The following ALG11 variants were observed in gnomAD, a reference collection of about 807,000 sequenced individuals.
The protein encoded by ALG11 is ALG11 alpha-1,2-mannosyltransferase.
In ALG11, 26 loss-of-function variants were observed where a neutral mutation model predicts 38.8. The ratio of observed to expected loss-of-function variants is 0.67; its 90% CI spans 0.49 to 0.93. ALG11 has a LOEUF of 0.93. Among genes scored for constraint, ALG11 ranks in the 40% least tolerant of loss-of-function variants. The pLI, the probability that ALG11 is intolerant of heterozygous loss-of-function variation, is 0.00. For synonymous variants in ALG11, 199 were observed against 211.6 expected (o/e 0.94, Z 0.52); for missense variants, 535 against 578.8 (o/e 0.92, Z 0.78).
rs746377054 is a variant in ALG11 at position 52,031,106 on chromosome 13, G to C, written c.*2516G>C. The C allele has an allele frequency of 3.1e-6, 5 of 1,603,458 alleles. No individual in the cohort carries two copies. The South Asian group carries it at 5.6e-5, about 18-fold the overall frequency. ...TCACAATAAAGAAGAAAAACTGTAG[G>C]TTGTGTAGCTGGAGAAGTGACAGTC... On this transcript the variant is annotated 3_prime_UTR_variant, in exon 4 of 4. Coordinates refer to ENST00000521508, the MANE Select transcript of ALG11 (RefSeq NM_001004127.3).
In ALG11 at chr13:52,024,141, T is replaced by C. The variant is rs768636703; in HGVS notation, c.411T>C (p.Tyr137=). The part of the protein sequence containing the change: ...PVQFVFLRKR[Y]LVEDSLYPHF... ...AGTTTGTTTTTTTAAGGAAACGCTA[T>C]CTTGTGGAAGATTCACTGTATCCTC... Residue 137 remains tyrosine (Y), a synonymous_variant, in exon 3 of 4, where the codon TAT becomes TAC. Coordinates refer to ENST00000521508, the MANE Select transcript of ALG11 (RefSeq NM_001004127.3). 2 of 1,614,016 alleles carry C rather than the reference T, an allele frequency of 1.2e-6. No individual in the cohort carries two copies. The highest frequency in any genetic ancestry group is 8.5e-7 in the Non-Finnish European group (1 of 1,180,018).
Position 52,029,533 on chromosome 13 carries a change from G to T in ALG11, c.*943G>T. On this transcript the variant is annotated 3_prime_UTR_variant, in exon 4 of 4. Coordinates refer to ENST00000521508, the MANE Select transcript of ALG11 (RefSeq NM_001004127.3). ...ACTATGAGGCCAAGGCTCGAAAAGA[G>T]AAGAAAATCAAAAGTAAAAAGTATC... 1 of 1,614,110 alleles carries T rather than the reference G, an allele frequency of 6.2e-7. No homozygotes were observed. The highest frequency in any genetic ancestry group is 8.5e-7 in the Non-Finnish European group (1 of 1,180,038).
rs147037645 is a variant in ALG11, at chr13:52,030,205, A to C, written c.*1615A>C. The C allele has an allele frequency of 2.5e-6, 4 of 1,614,228 alleles. No homozygotes were observed. Among genetic ancestry groups the C allele is most frequent in the Non-Finnish European group, 3.4e-6 (4 of 1,180,030 alleles). On this transcript the variant is annotated 3_prime_UTR_variant, in exon 4 of 4. Coordinates refer to ENST00000521508, the MANE Select transcript of ALG11 (RefSeq NM_001004127.3). The stretch of plus-strand genomic sequence containing the variant: ...GGGCACTATCTCAGAAATTGAAGGA[A>C]AAACATCAGTCCAGGAAGCAAAAAG...
chr13:52,024,587 C>T lies in ALG11; in HGVS notation c.857C>T (p.Thr286Ile), dbSNP rs1308204685. Residue 286 changes from threonine (T) to isoleucine (I), a missense_variant, in exon 3 of 4, where the codon ACA becomes ATA. By Grantham distance (89) the Thr-to-Ile change is moderately conservative. Coordinates refer to ENST00000521508, the MANE Select transcript of ALG11 (RefSeq NM_001004127.3). ...NIVYPPCDVQTFLDIPLHEKK... is the reference protein window; with the variant it reads ...NIVYPPCDVQIFLDIPLHEKK... ...GTTTATCCACCTTGTGATGTGCAGA[C>T]ATTTCTGGACATTCCCTTACATGAG... is the stretch of plus-strand genomic sequence containing the variant. 1 of 1,614,046 alleles carries T rather than the reference C, an allele frequency of 6.2e-7. No homozygotes were observed. The highest frequency in any genetic ancestry group is 2.2e-5 in the East Asian group (1 of 44,884).
At chr13:52,023,715 G>A (rs557330881) in intron 2 of ALG11, 16 of 168,856 alleles carry the variant, frequency 9.5e-5, no homozygotes, top group African/African-American at 2.1e-4. Context: ...TTTTTGAGAC[G>A]GAGTTTCACA....
intron 1 of ALG11, among the ~76,000 whole-genome samples, chr13:52,014,973 A>G (rs1954122998): frequency 6.6e-6 from 1 of 152,228 alleles, no homozygotes; most frequent in African/African-American, 2.4e-5. Context: ...TGGGATTTCA[A>G]ATAGAGTCAA....
At chr13:52,023,261 T>G (rs1005196076) in intron 2 of ALG11, 1 of 152,204 alleles carries the variant, frequency 6.6e-6, no homozygotes, top group Non-Finnish European at 1.5e-5. Context: ...TTAGACCATC[T>G]CATTCATAAA....
At chr13:52,016,392 C>T (rs1458078091) in intron 1 of ALG11, 1 of 152,220 alleles carries the variant, frequency 6.6e-6, no homozygotes, top group East Asian at 1.9e-4. Flanking sequence ...AATGTTAATC[C>T]TGAAGACCAT....
rs1954288103 is a variant in ALG11, at chr13:52,030,296, C to CTTCTG, written c.*1707_*1708insTCTGT. The CTTCTG allele has an allele frequency of 6.2e-7, 1 of 1,614,198 alleles. No individual in the cohort carries two copies. Among genetic ancestry groups the CTTCTG allele is most frequent in the Non-Finnish European group, 8.5e-7 (1 of 1,180,038 alleles). The stretch of plus-strand genomic sequence containing the variant: ...ACCTGCCCCAGAAGAAGCGGAACCC[C>CTTCTG]TATTGCTACAGAGGTCAGAGAGAGT... On this transcript the variant is annotated 3_prime_UTR_variant, in exon 4 of 4. Coordinates refer to ENST00000521508, the MANE Select transcript of ALG11 (RefSeq NM_001004127.3).
In ALG11 at chr13:52,017,717, G is replaced by A. The variant is rs186053850; in HGVS notation, c.45-1196G>A. 2.1e-3 allele frequency: 330 copies of A among 153,954 alleles called. 1 individual carries two copies. Among genetic ancestry groups the A allele is most frequent in the Middle Eastern group, 3.3e-3 (1 of 304 alleles). The allele number at this position is 153,954 out of a possible 1,614,324, so 9.5% of individuals were successfully genotyped here. A position where few individuals can be genotyped will look rare whatever the true frequency, so the allele number is the denominator to read the frequency against. On this transcript the variant is annotated intron_variant, in intron 1 of 3. Coordinates refer to ENST00000521508, the MANE Select transcript of ALG11 (RefSeq NM_001004127.3). ...CCAATTAAATCTCTTTTTGTTCCCC[G>A]TTTTGGGTACGTCTTTATCAGCAGT...
At chr13:52,015,344 T>G (rs1014363902) in intron 1 of ALG11, among the ~76,000 whole-genome samples, 1 of 152,216 alleles carries the variant, frequency 6.6e-6, no homozygotes, top group Non-Finnish European at 1.5e-5. Flanking sequence ...AGTTTGGGGC[T>G]GCAGTGATTG....
chr13:52,029,651 G>A lies in ALG11; in HGVS notation c.*1061G>A. On this transcript the variant is annotated 3_prime_UTR_variant, in exon 4 of 4. Coordinates refer to ENST00000521508, the MANE Select transcript of ALG11 (RefSeq NM_001004127.3). ...TCCAACTGTGGCACTGGAAGAAATGGAAAAAATTGAAAATGCCAGAATGAT... is the reference window on the plus strand; with the variant it reads ...TCCAACTGTGGCACTGGAAGAAATGAAAAAAATTGAAAATGCCAGAATGAT... 1 of 1,614,156 alleles carries A rather than the reference G, an allele frequency of 6.2e-7. No individual in the cohort carries two copies. The highest frequency in any genetic ancestry group is 2.2e-5 in the East Asian group (1 of 44,886).
rs1454573293 is a variant in ALG11, at chr13:52,033,241, T to C, written c.*4651T>C. ...AACTTTCAGGATGACTATTAATTCC[T>C]CTCAGATGTCATTTTTGAGTGGTCC... On this transcript the variant is annotated 3_prime_UTR_variant, in exon 4 of 4. Transcript: ENST00000521508. The C allele has an allele frequency of 1.2e-5, 2 of 167,076 alleles. No individual in the cohort carries two copies. Among genetic ancestry groups the C allele is most frequent in the Admixed American group, 1.3e-4 (2 of 15,270 alleles). The allele number at this position is 167,076 out of a possible 1,614,324, so 10.3% of individuals were successfully genotyped here. A position where few individuals can be genotyped will look rare whatever the true frequency, so the allele number is the denominator to read the frequency against.
chr13:52,017,943 A>C (rs1947718332), intron 1 of ALG11, among the ~76,000 whole-genome samples: 1 of 152,252 alleles, frequency 6.6e-6, no homozygotes, highest in Non-Finnish European at 1.5e-5. Flanking sequence ...TTATTATTTA[A>C]CTTTTGGCAT....
In ALG11 at chr13:52,024,954, A is replaced by G. The variant is rs1954226218; in HGVS notation, c.1207+17A>G. 1 of 1,601,640 alleles carries G rather than the reference A, an allele frequency of 6.2e-7. No individual in the cohort carries two copies. Among genetic ancestry groups the G allele is most frequent in the African/African-American group, 1.3e-5 (1 of 74,840 alleles). The stretch of plus-strand genomic sequence containing the variant: ...TTGGGATTGGTGAGTTTGGCCTTTA[A>G]ACAACTTGTTTGGTGCCATGAGATA... On this transcript the variant is annotated intron_variant, in intron 3 of 3. Transcript: ENST00000521508.
At position 52,012,408 on chromosome 13, in the gene ALG11, G is replaced by A. The variant is rs766313148; in HGVS notation, c.-11G>A. Reference sequence around the variant, plus strand: ...AGTGAAGCGTTTCCTGAGTTCGGGGGTCGGCGGAAGATGGCGGCCGGCGAA... The same window carrying A: ...AGTGAAGCGTTTCCTGAGTTCGGGGATCGGCGGAAGATGGCGGCCGGCGAA... On this transcript the variant is annotated 5_prime_UTR_variant, in exon 1 of 4. Coordinates refer to ENST00000521508, the MANE Select transcript of ALG11 (RefSeq NM_001004127.3). 1 of 1,614,068 alleles carries A rather than the reference G, an allele frequency of 6.2e-7. No homozygotes were observed. The highest frequency in any genetic ancestry group is 8.5e-7 in the Non-Finnish European group (1 of 1,180,048).
At position 52,033,402 on chromosome 13, in the gene ALG11, T is replaced by A. The variant is rs1488424223; in HGVS notation, c.*4812T>A. 1 of 167,090 alleles carries A rather than the reference T, an allele frequency of 6.0e-6. No individual in the cohort carries two copies. Among genetic ancestry groups the A allele is most frequent in the East Asian group, 1.9e-4 (1 of 5,204 alleles). The allele number at this position is 167,090 out of a possible 1,614,324, so 10.4% of individuals were successfully genotyped here. A position where few individuals can be genotyped will look rare whatever the true frequency, so the allele number is the denominator to read the frequency against. ...ATTTAGATTTGTATTTAGACATGAT[T>A]TATATCTAATATAGATACAAAGTCT... is the stretch of plus-strand genomic sequence containing the variant. On this transcript the variant is annotated 3_prime_UTR_variant, in exon 4 of 4. Transcript: ENST00000521508.
rs1366423199 is a variant in ALG11 at position 52,030,441 on chromosome 13, C to A, written c.*1851C>A. On this transcript the variant is annotated 3_prime_UTR_variant, in exon 4 of 4. Transcript: ENST00000521508. Reference sequence around the variant, plus strand: ...AGGACCCCAAATAATCGGCCTGATGCCCCTAAGGAGAAGAAAGAGAAGGAG... The same window carrying A: ...AGGACCCCAAATAATCGGCCTGATGACCCTAAGGAGAAGAAAGAGAAGGAG... 6.2e-7 allele frequency: 1 copy of A among 1,614,158 alleles called. No homozygotes were observed. Among genetic ancestry groups the A allele is most frequent in the Non-Finnish European group, 8.5e-7 (1 of 1,180,036 alleles).
chr13:52,028,459 G>A lies in ALG11; in HGVS notation c.1348G>A (p.Ala450Thr), dbSNP rs199641594. Reference protein sequence around the residue: ...ESEEDYAETIAHILSMSAEKR... With the variant: ...ESEEDYAETITHILSMSAEKR... ...TGAAGAAGACTATGCTGAAACTATC[G>A]CTCACATTCTTTCCATGTCTGCAGA... is the stretch of plus-strand genomic sequence containing the variant. The change falls in exon 4 of 4, where the codon GCT (alanine) becomes ACT (threonine). Residue 450 changes from alanine to threonine, a missense_variant. Transcript: ENST00000521508. 39 of 1,614,110 alleles carry A rather than the reference G, an allele frequency of 2.4e-5. No homozygotes were observed. The highest frequency in any genetic ancestry group is 1.6e-4 in the Middle Eastern group (1 of 6,062).
Sources: gnomAD v4.1 joint callset for allele counts (sites outside exome capture counted in the v4.1 genomes callset) on GRCh38, gnomAD v4.1.1 for gene constraint, MANE v1.5 for transcripts, NCBI Gene and HGNC (gene_info 2026-07-23, HGNC 2026-07-21) for gene names.